The following ZP2 variants were observed in gnomAD, a reference collection of about 807,000 sequenced individuals.
ZP2 encodes the protein zona pellucida glycoprotein 2, also known as zona pellucida sperm-binding protein 2.
In ZP2, 51 loss-of-function variants were observed where a neutral mutation model predicts 84.0. The ratio of observed to expected loss-of-function variants is 0.61; its 90% CI spans 0.49 to 0.77. ZP2 has a LOEUF of 0.77. Among genes scored for constraint, ZP2 ranks in the 30% least tolerant of loss-of-function variants. The pLI is 0.00. For missense variants in ZP2, 909 were observed against 911.9 expected, an observed-to-expected ratio of 1.00 and a Z score of 0.04; for synonymous variants, 375 against 330.9, an observed-to-expected ratio of 1.13 and a Z score of -1.45.
At chr16:21,211,622 T>A (rs1049724202), upstream of ZP2, 4 of 1,610,110 alleles carry the variant, frequency 2.5e-6, no homozygotes, top group Non-Finnish European at 3.4e-6. Flanking sequence ...GCCAGCCGCA[T>A]CCACACCCTC....
rs773372246 is a variant in ZP2, at chr16:21,199,763, C to G, written c.1810G>C (p.Ala604Pro). 4 of 1,614,096 alleles carry G rather than the reference C, an allele frequency of 2.5e-6. No homozygotes were observed. Among genetic ancestry groups the G allele is most frequent in the Non-Finnish European group, 3.4e-6 (4 of 1,180,006 alleles). The change falls in exon 15 of 19, where the codon GCC (alanine) becomes CCC (proline). Residue 604 changes from alanine (A) to proline (P), a missense_variant. Coordinates refer to ENST00000574091, the MANE Select transcript of ZP2 (RefSeq NM_001376232.1). ...CTTACCAGGCTAGAGAGCACGTGGG[C>G]TTCTGATACAAAGGCAAAAGCCTTC... ...DMKAFAFVSE[A>P]HVLSSLVYFH...
chr16:21,213,924 G>A (rs748634216), upstream of ZP2, among the ~76,000 whole-genome samples: 7 of 151,910 alleles, frequency 4.6e-5, no homozygotes, highest in Non-Finnish European at 7.4e-5. Flanking sequence ...GAGCATAGAC[G>A]TGAGACTCAG....
At chr16:21,199,467 G>C (rs2093214989) in intron 16 of ZP2, 103 bp downstream of exon 16, 7 of 1,054,680 alleles carry the variant, frequency 6.6e-6, no homozygotes, top group Non-Finnish European at 9.4e-6. Flanking sequence ...GCTCTGGGCA[G>C]TAAATAAAGT....
At chr16:21,200,246 T>C (rs943819457) in intron 14 of ZP2, among the ~76,000 whole-genome samples, 10 of 152,298 alleles carry the variant, frequency 6.6e-5, no homozygotes, top group African/African-American at 2.2e-4. Context: ...AAGACCAGCC[T>C]GGCCAACATG....
chr16:21,202,412 T>C (rs761915324), intron 10 of ZP2, 121 bp from the exon 11 acceptor site: 42 of 928,854 alleles, frequency 4.5e-5, no homozygotes, highest in Non-Finnish European at 6.2e-5. Context: ...GAATCTGTCT[T>C]GAAGTCTTTA....
chr16:21,205,768 A>G lies in ZP2; in HGVS notation c.491T>C (p.Leu164Ser). ...ICQKDFMSFSLPRVFSGLADD... is the reference protein window; with the variant it reads ...ICQKDFMSFSSPRVFSGLADD... ...AGCCAAGCCAGAGAAGACCCGTGGC[A>G]AGGAAAACTGGAAGAAAAGAATTGT... is the stretch of plus-strand genomic sequence containing the variant. Residue 164 changes from leucine to serine, a missense_variant, in exon 6 of 19, where the codon TTG (leucine) becomes TCG (serine). Physicochemically the swap from Leu to Ser is moderately radical, Grantham distance 145. Transcript: ENST00000574091. The G allele has an allele frequency of 1.9e-6, 3 of 1,614,054 alleles. No individual in the cohort carries two copies. The highest frequency in any genetic ancestry group is 2.5e-6 in the Non-Finnish European group (3 of 1,179,962).
At position 21,201,487 on chromosome 16, in the gene ZP2, T is replaced by G. The variant is rs202174621; in HGVS notation, c.1576A>C (p.Met526Leu). Residue 526 changes from methionine to leucine, a missense_variant, in exon 14 of 19, where the codon ATG becomes CTG. Met to Leu is a conservative substitution (Grantham distance 15). Coordinates refer to ENST00000574091, the MANE Select transcript of ZP2 (RefSeq NM_001376232.1). ...LVRFLRQPIY[M>L]EVRVLNRDDP... ...TCCCTGTTTAGGACTCTCACTTCCA[T>G]GTAAATTGGTTGGCGGAGGAATCTC... 10 of 1,613,814 alleles carry G rather than the reference T, an allele frequency of 6.2e-6. No homozygotes were observed. The highest frequency in any genetic ancestry group is 7.6e-6 in the Non-Finnish European group (9 of 1,179,906).
In ZP2 at chr16:21,199,455, G is replaced by A. The variant is rs928543875; in HGVS notation, c.1927+115C>T. 3 of 920,636 alleles carry A rather than the reference G, an allele frequency of 3.3e-6. No homozygotes were observed. The South Asian group carries it at 6.3e-5, about 19-fold the overall frequency. 57.0% of individuals were successfully genotyped at this position (920,636 alleles called of 1,614,324 possible). On this transcript the variant is annotated intron_variant, in intron 16 of 18. Coordinates refer to ENST00000574091, the MANE Select transcript of ZP2 (RefSeq NM_001376232.1). ...GACCAAGTTTTGACTGGGCCAACAA[G>A]AGCTCTGGGCAGTAAATAAAGTATG...
At chr16:21,208,520 C>T (rs1256893115) in intron 4 of ZP2, among the ~76,000 whole-genome samples, 2 of 152,098 alleles carry the variant, frequency 1.3e-5, no homozygotes, top group Non-Finnish European at 2.9e-5. Flanking sequence ...ATGCAGATTC[C>T]CAGAACTCAC....
Position 21,204,041 on chromosome 16 carries a change from G to A in ZP2, c.961C>T (p.Leu321Phe), listed in dbSNP as rs748685593. 2 of 1,613,468 alleles carry A rather than the reference G, an allele frequency of 1.2e-6. No homozygotes were observed. Among genetic ancestry groups the A allele is most frequent in the South Asian group, 2.2e-5 (2 of 91,084 alleles). Residue 321 changes from leucine (L) to phenylalanine (F), a missense_variant, in exon 9 of 19, where the codon CTC becomes TTC. Physicochemically the swap from Leu to Phe is conservative, Grantham distance 22. Transcript: ENST00000574091. ...ACAATTGAACATACTTTCGTTTTGA[G>A]CAGAGTTTTGCTGAAATGCAATTTC... ...GMKLHFSKTL[L>F]KTKLSEKCLL...
intron 14 of ZP2, 71 bp downstream of exon 14, chr16:21,201,298 A>G (rs2093223809): frequency 7.3e-7 from 1 of 1,369,218 alleles, no homozygotes; most frequent in South Asian, 1.7e-5. Flanking sequence ...AAAGCCCAAG[A>G]GGGTTTATTC....
At position 21,203,134 on chromosome 16, in the gene ZP2, C is replaced by G; in HGVS notation, c.1090G>C (p.Val364Leu). Residue 364 changes from valine (V) to leucine (L), a missense_variant, in exon 10 of 19, where the codon GTT becomes CTT. Transcript: ENST00000574091. ...AATAAAAGGTCTTTACCTATAGAAACGGGTGACTCACAGAGACACTCAGGA... is the reference window on the plus strand; with the variant it reads ...AATAAAAGGTCTTTACCTATAGAAAGGGGTGACTCACAGAGACACTCAGGA... Reference protein sequence around the residue: ...IYPECLCESPVSIVTGELCTQ... With the variant: ...IYPECLCESPLSIVTGELCTQ... 1.2e-6 allele frequency: 2 copies of G among 1,613,208 alleles called. No individual in the cohort carries two copies. Among genetic ancestry groups the G allele is most frequent in the Non-Finnish European group, 1.7e-6 (2 of 1,179,656 alleles).
chr16:21,199,573 G>A lies in ZP2; in HGVS notation c.1924C>T (p.Arg642Ter), dbSNP rs1279965478. Residue 642 changes from arginine to a stop codon, truncating the protein, a stop_gained, in exon 16 of 19, where the codon CGA (arginine) becomes TGA (stop). Coordinates refer to ENST00000574091, the MANE Select transcript of ZP2 (RefSeq NM_001376232.1). LOFTEE classifies it high-confidence loss of function. ...AACAGGAATTTGAAGTTTTTACCTC[G>A]CCTGTGCCTAGAGGACACAGGGCAG... Reference protein sequence around the residue: ...VTCPVSSRHRRATGATEAEKM... With the variant: ...VTCPVSSRHR The A allele has an allele frequency of 7.0e-6, 11 of 1,579,332 alleles. No individual in the cohort carries two copies. Among genetic ancestry groups the A allele is most frequent in the East Asian group, 2.2e-5 (1 of 44,602 alleles).
At chr16:21,199,942 G>T in intron 14 of ZP2, 64 bp from the exon 15 acceptor site, 1 of 1,598,046 alleles carries the variant, frequency 6.3e-7, no homozygotes. Context: ...TTCAATGTCT[G>T]CCCAGATTTA....
intron 4 of ZP2, among the ~76,000 whole-genome samples, chr16:21,207,783 G>C (rs34405063): frequency 0.2 from 30,201 of 151,976 alleles, 3,827 homozygotes; most frequent in East Asian, 0.41. Flanking sequence ...TTGAGTCCGG[G>C]AGGTAGAGGT....
At chr16:21,208,980 G>A (rs1178816131) in intron 4 of ZP2, among the ~76,000 whole-genome samples, 1 of 152,208 alleles carries the variant, frequency 6.6e-6, no homozygotes, top group Non-Finnish European at 1.5e-5. Flanking sequence ...TTGAATGCCA[G>A]GGTTTCTCAT....
intron 4 of ZP2, among the ~76,000 whole-genome samples, chr16:21,208,521 C>T (rs943534840): frequency 6.6e-6 from 1 of 152,174 alleles, no homozygotes; most frequent in African/African-American, 2.4e-5. Flanking sequence ...TGCAGATTCC[C>T]AGAACTCACC....
Position 21,209,716 on chromosome 16 carries a change from C to G in ZP2, c.245G>C (p.Gly82Ala). The change falls in exon 4 of 19, where the codon GGT becomes GCT. Residue 82 changes from glycine to alanine, a missense_variant. Coordinates refer to ENST00000574091, the MANE Select transcript of ZP2 (RefSeq NM_001376232.1). ...GTAAGTGCAGTTCGGCATGTCGAGACCAAGAGGATCTGCCAAGGCCAGAGC... is the reference window on the plus strand; with the variant it reads ...GTAAGTGCAGTTCGGCATGTCGAGAGCAAGAGGATCTGCCAAGGCCAGAGC... ...KWHASVVDPL[G>A]LDMPNCTYIL... The G allele has an allele frequency of 6.2e-7, 1 of 1,614,076 alleles. No homozygotes were observed.
chr16:21,203,370 C>T, intron 9 of ZP2, 119 bp from the exon 10 acceptor site: 9 of 1,319,774 alleles, frequency 6.8e-6, no homozygotes, highest in South Asian at 4.1e-5. Context: ...TATCTGGGCT[C>T]CCTTTAAACC....
Sources: gnomAD v4.1 joint callset for allele counts (sites outside exome capture counted in the v4.1 genomes callset) on GRCh38, gnomAD v4.1.1 for gene constraint, MANE v1.5 for transcripts, NCBI Gene and HGNC (gene_info 2026-07-23, HGNC 2026-07-21) for gene names.